The following FXYD2 variants were observed in gnomAD, a reference collection of about 807,000 sequenced individuals.
FXYD2 encodes FXYD domain containing ion transport regulator 2.
In FXYD2, 8 loss-of-function variants were observed where a neutral mutation model predicts 11.8. The observed-to-expected ratio is 0.68, with a 90% CI of 0.40 to 1.22. The LOEUF (loss-of-function observed/expected upper bound fraction) is 1.22. FXYD2 is among the 50% of genes most tolerant of loss of function. FXYD2 has a pLI of 0.01. For synonymous variants in FXYD2, 42 were observed against 33.3 expected, an observed-to-expected ratio of 1.26 and a Z score of -0.90; for missense variants, 92 against 91.8, an observed-to-expected ratio of 1.00 and a Z score of -0.01.
chr11:117,828,075 G>C, upstream of FXYD2: 3 of 1,549,590 alleles, frequency 1.9e-6, no homozygotes, highest in Non-Finnish European at 2.6e-6. Flanking sequence ...CTTGCCTGGG[G>C]CCTGGATGGA....
upstream of FXYD2, among the ~76,000 whole-genome samples, chr11:117,825,641 T>C (rs2134107691): frequency 6.6e-6 from 1 of 152,212 alleles, no homozygotes; most frequent in Non-Finnish European, 1.5e-5. Flanking sequence ...AAGTGGAGAC[T>C]GACAATCAGG....
Position 117,824,177 on chromosome 11 carries a change from C to T in FXYD2, c.25+477G>A, listed in dbSNP as rs966798476. 2 of 202,388 alleles carry T rather than the reference C, an allele frequency of 9.9e-6. No homozygotes were observed. Among genetic ancestry groups the T allele is most frequent in the Non-Finnish European group, 2.1e-5 (2 of 97,318 alleles). The allele number at this position is 202,388 out of a possible 1,614,324, so 12.5% of individuals were successfully genotyped here. On this transcript the variant is annotated intron_variant, in intron 1 of 5. Transcript: ENST00000292079. This position sits in a 1 kb window ranked among gnomAD's most constrained non-coding sequence, Gnocchi z 4.0. ...CAAAACCCACCTCTGTCAGCAAGTGCCCCTCTTGGTTTCCAGGCCTGAGTC... is the reference window on the plus strand; with the variant it reads ...CAAAACCCACCTCTGTCAGCAAGTGTCCCTCTTGGTTTCCAGGCCTGAGTC...
chr11:117,827,969 G>A (rs1348197606), upstream of FXYD2: 2 of 1,431,034 alleles, frequency 1.4e-6, no homozygotes, highest in Admixed American at 2.0e-5. Context: ...TGAGCAGGGA[G>A]GAGGAATGGG....
At chr11:117,827,079 AATAGAGAGATAGATAG>A (rs1484595484), upstream of FXYD2, among the ~76,000 whole-genome samples, 5 of 132,098 alleles carry the variant, frequency 3.8e-5, no homozygotes, top group African/African-American at 8.5e-5. Flanking sequence ...TAGATAGATA[AATAGAGAGATAGATAG>A]ATAGATAGAT....
At position 117,822,586 on chromosome 11, in the gene FXYD2, G is replaced by C; in HGVS notation, c.64+93C>G. Reference sequence around the variant, plus strand: ...CCCGTGGTAACCAGGGGAGATAAGGGGCACAGAGCATGGACCTGGGGCTGG... The same window carrying C: ...CCCGTGGTAACCAGGGGAGATAAGGCGCACAGAGCATGGACCTGGGGCTGG... On this transcript the variant is annotated intron_variant, in intron 2 of 5. Transcript: ENST00000292079. This position sits in a 1 kb window ranked among gnomAD's most constrained non-coding sequence, Gnocchi z 4.7. 6.4e-7 allele frequency: 1 copy of C among 1,570,502 alleles called. No individual in the cohort carries two copies. Among genetic ancestry groups the C allele is most frequent in the Non-Finnish European group, 8.6e-7 (1 of 1,157,758 alleles).
intron 5 of FXYD2, 32 bp downstream of exon 5, chr11:117,820,633 TC>T (rs909464998): frequency 9.9e-6 from 16 of 1,613,170 alleles, no homozygotes; most frequent in Non-Finnish European, 1.4e-5. Context: ...TGCCCTGCCC[TC>T]CCCGCACCTT....
At chr11:117,823,503 T>C (rs932606365) in intron 1 of FXYD2, among the ~76,000 whole-genome samples, 4 of 152,188 alleles carry the variant, frequency 2.6e-5, no homozygotes, top group African/African-American at 7.2e-5. Context: ...CTGCCACCTC[T>C]CAATGGCGGG....
upstream of FXYD2, among the ~76,000 whole-genome samples, chr11:117,825,157 A>T (rs955251329): frequency 2.6e-5 from 4 of 152,116 alleles, no homozygotes; most frequent in African/African-American, 9.7e-5. Context: ...GGTGTTCCTT[A>T]TGTGGTACTG....
upstream of FXYD2, among the ~76,000 whole-genome samples, chr11:117,825,302 T>A (rs531445616): frequency 6.6e-6 from 1 of 152,186 alleles, no homozygotes; most frequent in Non-Finnish European, 1.5e-5. Flanking sequence ...CCCATCAACG[T>A]GCACCCTGCA....
At chr11:117,826,905 G>C (rs2056052063), upstream of FXYD2, among the ~76,000 whole-genome samples, 1 of 151,650 alleles carries the variant, frequency 6.6e-6, no homozygotes, top group Admixed American at 6.6e-5. Flanking sequence ...TCTTCCTGCT[G>C]TCTTTGCTCC....
chr11:117,824,879 G>C (rs565601581), upstream of FXYD2: 2 of 687,712 alleles, frequency 2.9e-6, no homozygotes, highest in Non-Finnish European at 5.2e-6. This position sits in a 1 kb window ranked among gnomAD's most constrained non-coding sequence, Gnocchi z 4.0. Context: ...GGACGTGCGT[G>C]GGGAGGCAGG....
intron 1 of FXYD2, among the ~76,000 whole-genome samples, chr11:117,823,108 G>T (rs1478523196): frequency 6.6e-6 from 1 of 152,164 alleles, no homozygotes; most frequent in Non-Finnish European, 1.5e-5. Flanking sequence ...AGCTATTTGG[G>T]AAATGCATGA....
upstream of FXYD2, chr11:117,828,052 C>G (rs746372986): frequency 1.3e-6 from 2 of 1,550,212 alleles, no homozygotes; most frequent in East Asian, 2.4e-5. Flanking sequence ...TGCAGGAGAG[C>G]AGGGAGGTGC....
Position 117,822,696 on chromosome 11 carries a change from A to G in FXYD2, c.47T>C (p.Val16Ala). The G allele has an allele frequency of 1.2e-6, 2 of 1,610,660 alleles. No individual in the cohort carries two copies. The highest frequency in any genetic ancestry group is 1.7e-6 in the Non-Finnish European group (2 of 1,179,242). The change falls in exon 2 of 6, where the codon GTG becomes GCG. Residue 16 changes from valine (V) to alanine (A), a missense_variant. By Grantham distance (64) the Val-to-Ala change is moderately conservative. Coordinates refer to ENST00000292079, the MANE Select transcript of FXYD2 (RefSeq NM_001680.5). The surrounding 1 kb of genome is among the most constrained non-coding windows in gnomAD (Gnocchi z 4.7). ...AGGCTTACCATAGTAGAACGGGTCC[A>G]CGTCCCCCTTGGGGCTGCCGCCTAG... The part of the protein sequence containing the change: ...MDGGGSPKGD[V>A]DPFYYDYETV...
chr11:117,827,563 T>C (rs959221695), upstream of FXYD2, among the ~76,000 whole-genome samples: 1 of 152,206 alleles, frequency 6.6e-6, no homozygotes, highest in Non-Finnish European at 1.5e-5. Context: ...ATTAATTCTT[T>C]AGTCATCACA....
chr11:117,821,612 C>T lies in FXYD2; in HGVS notation c.140-717G>A, dbSNP rs11828216. The T allele has an allele frequency of 0.015, 14,961 of 985,952 alleles. 1,528 individuals are homozygous for T. The African/African-American group carries it at 0.23, about 15-fold the overall frequency. 61.1% of individuals were successfully genotyped at this position (985,952 alleles called of 1,614,324 possible). The stretch of plus-strand genomic sequence containing the variant: ...TGTGCCTATGTGATCAGCTGCCACC[C>T]GGCACTGCCCTCCGGGAGCTGCCAC... On this transcript the variant is annotated intron_variant, in intron 3 of 5. Coordinates refer to ENST00000292079, the MANE Select transcript of FXYD2 (RefSeq NM_001680.5).
chr11:117,824,629 C>T lies in FXYD2; in HGVS notation c.25+25G>A, dbSNP rs372484079. 2.4e-5 allele frequency: 38 copies of T among 1,601,938 alleles called. No homozygotes were observed. The highest frequency in any genetic ancestry group is 1.5e-4 in the African/African-American group (11 of 74,580). On this transcript the variant is annotated intron_variant, in intron 1 of 5. Coordinates refer to ENST00000292079, the MANE Select transcript of FXYD2 (RefSeq NM_001680.5). This position sits in a 1 kb window ranked among gnomAD's most constrained non-coding sequence, Gnocchi z 4.0. ...AGAGCCACCCAGCATTGCACACGCCCGGGCACGCACACCAGCACACTCACC... is the reference window on the plus strand; with the variant it reads ...AGAGCCACCCAGCATTGCACACGCCTGGGCACGCACACCAGCACACTCACC...
At chr11:117,821,389 T>C in intron 3 of FXYD2, 3 of 987,314 alleles carry the variant, frequency 3.0e-6, no homozygotes, top group Non-Finnish European at 3.6e-6. Flanking sequence ...GGCTGGACCA[T>C]AGGCATTTAA....
At position 117,820,297 on chromosome 11, in the gene FXYD2, A is replaced by C. The variant is rs2055866558; in HGVS notation, c.*82T>G. 2.3e-5 allele frequency: 7 copies of C among 307,190 alleles called. No homozygotes were observed. The highest frequency in any genetic ancestry group is 1.3e-4 in the South Asian group (2 of 15,602). 19.0% of individuals were successfully genotyped at this position (307,190 alleles called of 1,614,324 possible). ...GGGACAAAGGTCTAAAGCCCAGGGA[A>C]GAAGGGGAGGCGCCAGAGGCAGGGC... On this transcript the variant is annotated 3_prime_UTR_variant, in exon 6 of 6. Coordinates refer to ENST00000292079, the MANE Select transcript of FXYD2 (RefSeq NM_001680.5).
Sources: gnomAD v4.1 joint callset for allele counts (sites outside exome capture counted in the v4.1 genomes callset) on GRCh38, gnomAD v4.1.1 for gene constraint, Gnocchi (gnomAD v3.1) non-coding constraint, MANE v1.5 for transcripts, NCBI Gene and HGNC (gene_info 2026-07-23, HGNC 2026-07-21) for gene names.